The following SLC35F3 variants were observed in gnomAD, a reference collection of about 807,000 sequenced individuals.
The protein encoded by SLC35F3 is putative thiamine transporter SLC35F3.
A neutral mutation model predicts 49.9 loss-of-function variants in SLC35F3; 25 were observed. The observed-to-expected ratio is 0.50, with a 90% confidence interval of 0.37 to 0.70. The LOEUF (loss-of-function observed/expected upper bound fraction) is 0.70. Among genes scored for constraint, SLC35F3 ranks in the 30% least tolerant of loss-of-function variants. SLC35F3 has a pLI of 0.00. For synonymous variants in SLC35F3, 275 were observed against 265.4 expected (o/e 1.04, Z -0.35); for missense variants, 525 against 639.8 (o/e 0.82, Z 1.94).
At chr1:234,144,484 C>T (rs1156615188) in intron 2 of SLC35F3, among the ~76,000 whole-genome samples, 1 of 152,226 alleles carries the variant, frequency 6.6e-6, no homozygotes, top group African/African-American at 2.4e-5. Context: ...TGATGGCTTT[C>T]ATCATTGAAT....
intron 2 of SLC35F3, among the ~76,000 whole-genome samples, chr1:234,124,422 T>A (rs987464904): frequency 1.3e-5 from 2 of 152,240 alleles, no homozygotes; most frequent in Non-Finnish European, 2.9e-5. Context: ...AAGTCTGACT[T>A]TCTTCTTCCT....
chr1:234,079,407 A>G lies in SLC35F3; in HGVS notation c.284-152010A>G, dbSNP rs560631492. The stretch of plus-strand genomic sequence containing the variant: ...ATTAGGCATCAATTTCTTAAATATC[A>G]AACAAAAAGCACAAGCCACTAAAGA... On this transcript the variant is annotated intron_variant, in intron 2 of 7. Transcript: ENST00000366618. Among the ~76,000 whole-genome samples the G allele has an allele frequency of 4.6e-5, 7 of 152,366 alleles. No homozygotes were observed. In the South Asian group the frequency reaches 1.0e-3, roughly 23 times the overall value.
intron 2 of SLC35F3, among the ~76,000 whole-genome samples, chr1:234,103,040 C>T (rs1572052910): frequency 6.6e-6 from 1 of 152,100 alleles, no homozygotes; most frequent in South Asian, 2.1e-4. Flanking sequence ...GGGAAAAAAA[C>T]CATAAAATAT....
rs1444890504 is a variant in SLC35F3, at chr1:234,108,427, A to T, written c.284-122990A>T. On this transcript the variant is annotated intron_variant, in intron 2 of 7. Coordinates refer to ENST00000366618, the MANE Select transcript of SLC35F3 (RefSeq NM_173508.4). ...TATATATGATATATATTATTTATAT[A>T]TAAAAGATATATATAAAAGATATAT... Among the ~76,000 whole-genome samples, 6 of 96,320 alleles carry T rather than the reference A, an allele frequency of 6.2e-5. 1 individual carries two copies. The highest frequency in any genetic ancestry group is 4.3e-3 in the East Asian group (2 of 466). The allele number at this position is 96,320 out of a possible 152,430, so 63.2% of individuals were successfully genotyped here. A position where few individuals can be genotyped will look rare whatever the true frequency, so the allele number is the denominator to read the frequency against.
At chr1:233,907,180 T>G (rs1228435386) in intron 2 of SLC35F3, among the ~76,000 whole-genome samples, 1 of 152,262 alleles carries the variant, frequency 6.6e-6, no homozygotes, top group Admixed American at 6.5e-5. Flanking sequence ...ATTTCCATTT[T>G]CTGCTTCCTT....
chr1:233,936,194 T>C (rs1487693171), intron 2 of SLC35F3, among the ~76,000 whole-genome samples: 3 of 152,190 alleles, frequency 2.0e-5, no homozygotes, highest in Non-Finnish European at 2.9e-5. Flanking sequence ...TCAGTAGCCA[T>C]GGCCCCCCCA....
At position 234,217,824 on chromosome 1, in the gene SLC35F3, C is replaced by A. The variant is rs530437853; in HGVS notation, c.284-13593C>A. 1.7e-3 allele frequency among the ~76,000 whole-genome samples: 257 copies of A among 151,142 alleles called. 2 individuals are homozygous for A. The highest frequency in any genetic ancestry group is 2.9e-3 in the Non-Finnish European group (199 of 67,760). ...GAAGGAAGCCTTCCTCAGGAAGAGGCCTTTCTGAGGAGATATTCCTGAGGA... is the reference window on the plus strand; with the variant it reads ...GAAGGAAGCCTTCCTCAGGAAGAGGACTTTCTGAGGAGATATTCCTGAGGA... On this transcript the variant is annotated intron_variant, in intron 2 of 7. Transcript: ENST00000366618.
intron 3 of SLC35F3, among the ~76,000 whole-genome samples, chr1:234,288,394 C>T (rs765419355): frequency 6.6e-6 from 1 of 152,186 alleles, no homozygotes; most frequent in Non-Finnish European, 1.5e-5. Context: ...TTCAAAATAA[C>T]CCCTGTAACT....
intron 2 of SLC35F3, among the ~76,000 whole-genome samples, chr1:234,004,459 G>T (rs1236970373): frequency 6.6e-6 from 1 of 152,026 alleles, no homozygotes; most frequent in Non-Finnish European, 1.5e-5. Context: ...ATTTTTAAAG[G>T]TAGTTAATGA....
At chr1:234,203,736 C>A (rs1240493530) in intron 2 of SLC35F3, among the ~76,000 whole-genome samples, 1 of 151,940 alleles carries the variant, frequency 6.6e-6, no homozygotes, top group Non-Finnish European at 1.5e-5. Flanking sequence ...TGGCTTCAAC[C>A]CAATCCCCCA....
At chr1:234,219,812 C>T (rs1667175293) in intron 2 of SLC35F3, among the ~76,000 whole-genome samples, 1 of 152,198 alleles carries the variant, frequency 6.6e-6, no homozygotes, top group Non-Finnish European at 1.5e-5. Context: ...ATTGGAACTG[C>T]TTTTCCTGGA....
At chr1:234,096,682 T>G (rs559474804) in intron 2 of SLC35F3, among the ~76,000 whole-genome samples, 49 of 152,160 alleles carry the variant, frequency 3.2e-4, no homozygotes, top group African/African-American at 1.2e-3. Context: ...GAAAATATAG[T>G]ATAGGCTTCA....
chr1:233,907,764 G>T (rs1661799741), intron 2 of SLC35F3, among the ~76,000 whole-genome samples: 1 of 152,140 alleles, frequency 6.6e-6, no homozygotes, highest in East Asian at 1.9e-4. Context: ...TGTCACCCAG[G>T]CTGGAGTGTA....
chr1:234,145,373 T>C (rs1282118834), intron 2 of SLC35F3, among the ~76,000 whole-genome samples: 1 of 152,188 alleles, frequency 6.6e-6, no homozygotes, highest in Non-Finnish European at 1.5e-5. Context: ...AGATCTTTAG[T>C]ATATCTGCTT....
chr1:234,006,964 T>C (rs6662498), intron 2 of SLC35F3, among the ~76,000 whole-genome samples: 7,284 of 152,206 alleles, frequency 0.048, 383 homozygotes, highest in African/African-American at 0.13. Context: ...TAAAGGAACA[T>C]AGAGAAAATC....
At chr1:233,926,153 G>C (rs1662156422) in intron 2 of SLC35F3, among the ~76,000 whole-genome samples, 2 of 152,054 alleles carry the variant, frequency 1.3e-5, no homozygotes, top group South Asian at 4.1e-4. Flanking sequence ...GGCATTCTCT[G>C]TATTTCCTGA....
chr1:234,204,948 C>T (rs1057180528), intron 2 of SLC35F3, among the ~76,000 whole-genome samples: 1 of 152,224 alleles, frequency 6.6e-6, no homozygotes, highest in Admixed American at 6.5e-5. Context: ...AATTTTGGAA[C>T]ATCTCTCTCC....
chr1:233,962,449 A>G (rs1558190579), intron 2 of SLC35F3, among the ~76,000 whole-genome samples: 1 of 152,220 alleles, frequency 6.6e-6, no homozygotes. Flanking sequence ...CACATTTAAC[A>G]TTTATTGAAT....
At position 233,909,653 on chromosome 1, in the gene SLC35F3, C is replaced by T. The variant is rs141177633; in HGVS notation, c.283+3895C>T. On this transcript the variant is annotated intron_variant, in intron 2 of 7. Transcript: ENST00000366618. Reference sequence around the variant, plus strand: ...TTGGCCCAGGGTTTCTTGATCTCAGCACTATTAACCCTTTGTGCTGTATAA... The same window carrying T: ...TTGGCCCAGGGTTTCTTGATCTCAGTACTATTAACCCTTTGTGCTGTATAA... 6.6e-5 allele frequency among the ~76,000 whole-genome samples: 10 copies of T among 152,300 alleles called. No individual in the cohort carries two copies. In the East Asian group the frequency reaches 1.9e-3, roughly 29 times the overall value.
Sources: gnomAD v4.1 joint callset for allele counts (sites outside exome capture counted in the v4.1 genomes callset) on GRCh38, gnomAD v4.1.1 for gene constraint, MANE v1.5 for transcripts, NCBI Gene and HGNC (gene_info 2026-07-23, HGNC 2026-07-21) for gene names.